SYT12: variants seen among roughly 807,000 people sequenced by gnomAD.
SYT12 encodes synaptotagmin 12.
In SYT12, 27 loss-of-function variants were observed where a neutral mutation model predicts 39.5. The ratio of observed to expected loss-of-function variants is 0.68; its 90% CI spans 0.50 to 0.94. The LOEUF (loss-of-function observed/expected upper bound fraction) is 0.94. Among genes scored for constraint, SYT12 ranks in the 40% least tolerant of loss-of-function variants. The pLI is 0.00. For synonymous variants in SYT12, 233 were observed against 239.7 expected, an observed-to-expected ratio of 0.97 and a Z score of 0.26; for missense variants, 536 against 572.6, an observed-to-expected ratio of 0.94 and a Z score of 0.65.
chr11:67,045,894 G>A lies in SYT12; in HGVS notation c.1092+17G>A. 6 of 1,613,852 alleles carry A rather than the reference G, an allele frequency of 3.7e-6. No homozygotes were observed. The highest frequency in any genetic ancestry group is 5.1e-6 in the Non-Finnish European group (6 of 1,179,872). On this transcript the variant is annotated intron_variant, in intron 7 of 7. Coordinates refer to ENST00000527043, the MANE Select transcript of SYT12 (RefSeq NM_177963.4). Reference sequence around the variant, plus strand: ...GTGCTCCAGGTGAGGGGGGCTGGGGGATGGGAAGGGGCCAGGTCACCCCAG... The same window carrying A: ...GTGCTCCAGGTGAGGGGGGCTGGGGAATGGGAAGGGGCCAGGTCACCCCAG...
intron 4 of SYT12, among the ~76,000 whole-genome samples, 171 bp downstream of exon 4, chr11:67,040,374 G>C (rs1474357175): frequency 6.6e-6 from 1 of 152,166 alleles, no homozygotes; most frequent in Non-Finnish European, 1.5e-5. Context: ...GTACAGAGCT[G>C]GGAGGTGGGG....
chr11:67,012,630 A>C (rs1394188733), intron 3 of SYT12, among the ~76,000 whole-genome samples: 2 of 152,196 alleles, frequency 1.3e-5, no homozygotes, highest in African/African-American at 4.8e-5. Context: ...CAGGGAAACG[A>C]GGCAAAAGAA....
chr11:67,031,462 C>T (rs1396803168), intron 2 of SYT12: 5 of 152,302 alleles, frequency 3.3e-5, no homozygotes, highest in Non-Finnish European at 7.3e-5. Flanking sequence ...ATGGGGAAAA[C>T]AATAGAACCA....
chr11:67,008,542 G>A (rs1363510920), intron 1 of SYT12, among the ~76,000 whole-genome samples: 1 of 151,604 alleles, frequency 6.6e-6, no homozygotes, highest in Non-Finnish European at 1.5e-5. Flanking sequence ...GTGTGAGATG[G>A]CTACATCTCT....
intron 3 of SYT12, among the ~76,000 whole-genome samples, chr11:67,017,415 A>G (rs1196137295): frequency 6.7e-6 from 1 of 150,030 alleles, no homozygotes; most frequent in African/African-American, 2.5e-5. Context: ...GCTGGAGTGC[A>G]GTAGTGCGAA....
chr11:67,039,741 C>G, intron 3 of SYT12, 70 bp from the exon 4 acceptor site: 1 of 1,523,962 alleles, frequency 6.6e-7, no homozygotes, highest in East Asian at 2.3e-5. Context: ...TTACTCATCT[C>G]TTTGCCGTCT....
chr11:67,009,850 T>A (rs956855487), intron 1 of SYT12: 1 of 153,820 alleles, frequency 6.5e-6, no homozygotes, highest in East Asian at 1.9e-4. Context: ...TTTGTTTGTT[T>A]TGAGACGGAG....
upstream of SYT12, chr11:67,022,029 T>G (rs1455206098): frequency 6.6e-6 from 1 of 150,934 alleles, no homozygotes; most frequent in African/African-American, 2.4e-5. Flanking sequence ...TTCTCTTGCC[T>G]CAGCCTCCCG....
exon 1 of SYT12, chr11:67,007,362 C>A (rs1949977844): frequency 6.6e-6 from 1 of 152,268 alleles, no homozygotes; most frequent in Admixed American, 6.5e-5. Context: ...CTGTCCCCAG[C>A]CTTACCCAGG....
At chr11:67,035,753 G>A (rs1177423832) in intron 3 of SYT12, among the ~76,000 whole-genome samples, 3 of 151,046 alleles carry the variant, frequency 2.0e-5, no homozygotes, top group Non-Finnish European at 2.9e-5. Context: ...CACCGCGCCC[G>A]GCCCTTCCTT....
Position 67,048,861 on chromosome 11 carries a change from G to C in SYT12, c.*104G>C. Reference sequence around the variant, plus strand: ...GCCCAGCTGGAGCCGTGAACACTGGGGTCCCCTGGCAGAGTCCTCATGACC... The same window carrying C: ...GCCCAGCTGGAGCCGTGAACACTGGCGTCCCCTGGCAGAGTCCTCATGACC... On this transcript the variant is annotated 3_prime_UTR_variant, in exon 8 of 8. Transcript: ENST00000527043. The C allele has an allele frequency of 1.5e-6, 2 of 1,367,550 alleles. No homozygotes were observed. Among genetic ancestry groups the C allele is most frequent in the Admixed American group, 2.1e-5 (1 of 47,348 alleles). The allele number at this position is 1,367,550 out of a possible 1,614,324, so 84.7% of individuals were successfully genotyped here.
chr11:67,010,478 C>A (rs1950005594), intron 2 of SYT12, among the ~76,000 whole-genome samples: 1 of 152,200 alleles, frequency 6.6e-6, no homozygotes, highest in African/African-American at 2.4e-5. Flanking sequence ...GCCCCAGTAA[C>A]CCTCGGGTCC....
chr11:67,015,440 C>T (rs1737492314), intron 3 of SYT12, among the ~76,000 whole-genome samples: 2 of 152,164 alleles, frequency 1.3e-5, no homozygotes, highest in African/African-American at 4.8e-5. Flanking sequence ...CTTCCAGGGG[C>T]CACATCTTTA....
At chr11:67,009,281 C>T (rs1030636173) in intron 1 of SYT12, among the ~76,000 whole-genome samples, 3 of 152,114 alleles carry the variant, frequency 2.0e-5, no homozygotes, top group Non-Finnish European at 4.4e-5. Flanking sequence ...GCTGGGGTTA[C>T]AGGCGTGAGC....
chr11:67,036,489 C>T (rs556104871), intron 3 of SYT12, among the ~76,000 whole-genome samples: 1 of 152,172 alleles, frequency 6.6e-6, no homozygotes, highest in African/African-American at 2.4e-5. Flanking sequence ...AAAGTTTTAT[C>T]ATTTAACACA....
intron 7 of SYT12, among the ~76,000 whole-genome samples, chr11:67,047,564 A>G (rs572135021): frequency 6.7e-6 from 1 of 150,366 alleles, no homozygotes; most frequent in African/African-American, 2.4e-5. Context: ...CACCATGCCC[A>G]GCCAGAACAA....
chr11:67,011,486 G>A lies in SYT12; in HGVS notation c.-69+492G>A, dbSNP rs181511724. Among the ~76,000 whole-genome samples, 292 of 151,760 alleles carry A rather than the reference G, an allele frequency of 1.9e-3. 8 individuals are homozygous for A. The East Asian group carries it at 0.045, about 23-fold the overall frequency. ...TCGAACTCCTGACCTCAGGTGATCC[G>A]CCCGCCTGGGCCTCCCAAAGTGCTG... On this transcript the variant is annotated intron_variant, in intron 3 of 10. Coordinates refer to the SYT12 transcript ENST00000393946.
In SYT12 at chr11:67,050,338, G is replaced by T. The variant is rs1394026646; in HGVS notation, c.*1581G>T. The T allele has an allele frequency of 6.6e-6, 1 of 152,420 alleles. No homozygotes were observed. The highest frequency in any genetic ancestry group is 2.4e-5 in the African/African-American group (1 of 41,460). 9.4% of individuals were successfully genotyped at this position (152,420 alleles called of 1,614,324 possible). ...CAGGTGGGGTATCATCTGCTCGGTG[G>T]GGCCACCCACAGGTGACAGCATGGA... On this transcript the variant is annotated 3_prime_UTR_variant, in exon 8 of 8. Transcript: ENST00000527043.
intron 3 of SYT12, among the ~76,000 whole-genome samples, chr11:67,017,399 GCCC>G (rs1285284125): frequency 6.7e-6 from 1 of 148,350 alleles, no homozygotes; most frequent in East Asian, 2.0e-4. Flanking sequence ...TTGCTCTGTC[GCCC>G]AGGCTGGAGT....
Sources: gnomAD v4.1 joint callset for allele counts (sites outside exome capture counted in the v4.1 genomes callset) on GRCh38, gnomAD v4.1.1 for gene constraint, MANE v1.5 for transcripts, NCBI Gene and HGNC (gene_info 2026-07-23, HGNC 2026-07-21) for gene names.